Variants in CACNA1E observed in about 807,000 individuals in gnomAD.
The protein encoded by CACNA1E is voltage-dependent R-type calcium channel subunit alpha-1E.
A neutral mutation model predicts 259.2 loss-of-function variants in CACNA1E; 40 were observed. The observed-to-expected ratio is 0.15, with a 90% CI of 0.12 to 0.20. The LOEUF is 0.20. Ranked by LOEUF, CACNA1E falls within the 10% of genes least tolerant of loss-of-function variation. The probability of loss-of-function intolerance (pLI) is 1.00; values close to 1 mark genes in which losing one functional copy is unlikely to be tolerated. For synonymous variants in CACNA1E, 1,104 were observed against 1,138.5 expected (o/e 0.97, Z 0.61); for missense variants, 1,874 against 3,040.1 (o/e 0.62, Z 9.02).
intron 25 of CACNA1E, among the ~76,000 whole-genome samples, chr1:181,742,661 A>G (rs1656686955): frequency 6.6e-6 from 1 of 152,176 alleles, no homozygotes; most frequent in Admixed American, 6.5e-5. Context: ...AACTCCCAGG[A>G]GCAAAGCCCC....
At chr1:181,753,273 T>C (rs568306281) in intron 27 of CACNA1E, among the ~76,000 whole-genome samples, 1 of 152,300 alleles carries the variant, frequency 6.6e-6, no homozygotes, top group African/African-American at 2.4e-5. Context: ...GGGTACTTCT[T>C]AAAATCCAGA....
At chr1:181,794,062 A>G (rs1008240892) in intron 45 of CACNA1E, among the ~76,000 whole-genome samples, 1 of 152,182 alleles carries the variant, frequency 6.6e-6, no homozygotes, top group Non-Finnish European at 1.5e-5. Context: ...CATGCAAGAA[A>G]TATTTTCCAG....
intron 1 of CACNA1E, among the ~76,000 whole-genome samples, chr1:181,351,447 A>C (rs1477940375): frequency 6.6e-6 from 1 of 152,164 alleles, no homozygotes; most frequent in Admixed American, 6.5e-5. Context: ...CGGTATGGAG[A>C]TAAAGTGATT....
chr1:181,328,598 C>T (rs1477541994), intron 1 of CACNA1E, among the ~76,000 whole-genome samples: 3 of 152,074 alleles, frequency 2.0e-5, no homozygotes, highest in Admixed American at 6.5e-5. Context: ...TTTGTGTTAG[C>T]CTGGGTCCTC....
intron 2 of CACNA1E, among the ~76,000 whole-genome samples, chr1:181,477,510 G>A (rs1430454651): frequency 6.6e-6 from 1 of 152,228 alleles, no homozygotes; most frequent in Non-Finnish European, 1.5e-5. Context: ...ATGAATTCAT[G>A]AATAAGTAAA....
rs1031015535 is a variant in CACNA1E at position 181,737,870 on chromosome 1, G to T, written c.3552+216G>T. On this transcript the variant is annotated intron_variant, in intron 23 of 47. Transcript: ENST00000367573. ...CAAGGCTCTGCCCCAAACCGGCCAG[G>T]GCTCTGCAGGGCTCTGCAGCCACCC... Among the ~76,000 whole-genome samples, 3 of 149,900 alleles carry T rather than the reference G, an allele frequency of 2.0e-5. No homozygotes were observed. The East Asian group carries it at 7.2e-4, about 36-fold the overall frequency.
At chr1:181,711,689 A>G (rs1340397545) in intron 8 of CACNA1E, among the ~76,000 whole-genome samples, 1 of 152,180 alleles carries the variant, frequency 6.6e-6, no homozygotes, top group African/African-American at 2.4e-5. Flanking sequence ...GAAGAAATGA[A>G]GGAGTGAGCC....
intron 6 of CACNA1E, among the ~76,000 whole-genome samples, chr1:181,584,009 C>T (rs2102993649): frequency 6.6e-6 from 1 of 152,266 alleles, no homozygotes; most frequent in Non-Finnish European, 1.5e-5. Flanking sequence ...ACAAATGTTA[C>T]TGTGGCTCGC....
intron 7 of CACNA1E, among the ~76,000 whole-genome samples, chr1:181,691,799 C>T (rs1166868238): frequency 6.6e-6 from 1 of 152,068 alleles, no homozygotes; most frequent in Non-Finnish European, 1.5e-5. Flanking sequence ...ACTGAACATA[C>T]TACTGGAAGT....
chr1:181,528,817 G>A (rs1269699919), intron 3 of CACNA1E, among the ~76,000 whole-genome samples: 1 of 152,194 alleles, frequency 6.6e-6, no homozygotes, highest in Non-Finnish European at 1.5e-5. Context: ...CATTCAAAAG[G>A]TGAGTTGGGT....
intron 1 of CACNA1E, among the ~76,000 whole-genome samples, chr1:181,360,977 A>C (rs1219503167): frequency 6.6e-6 from 1 of 152,084 alleles, no homozygotes; most frequent in African/African-American, 2.4e-5. Flanking sequence ...TGACTCTAGT[A>C]CCTTTGAAGG....
At chr1:181,610,755 T>G (rs530586586) in intron 6 of CACNA1E, among the ~76,000 whole-genome samples, 1 of 152,308 alleles carries the variant, frequency 6.6e-6, no homozygotes, top group South Asian at 2.1e-4. Flanking sequence ...GTGGTTCCAA[T>G]GAGGACTTTT....
In CACNA1E at chr1:181,800,341, T is replaced by C. The variant is rs1037331161; in HGVS notation, c.*1507T>C. The C allele has an allele frequency of 3.0e-4, 46 of 152,586 alleles. No homozygotes were observed. Among genetic ancestry groups the C allele is most frequent in the African/African-American group, 1.1e-3 (44 of 41,502 alleles). 9.5% of individuals were successfully genotyped at this position (152,586 alleles called of 1,614,324 possible). On this transcript the variant is annotated 3_prime_UTR_variant, in exon 48 of 48. Coordinates refer to ENST00000367573, the MANE Select transcript of CACNA1E (RefSeq NM_001205293.3). ...GATGGGGCTTCACCCCTCCCCAGAG[T>C]AAGAGCTGGGGCTGACAGTCCCACC...
chr1:181,624,837 C>T (rs2101908532), intron 6 of CACNA1E, among the ~76,000 whole-genome samples: 1 of 152,234 alleles, frequency 6.6e-6, no homozygotes, highest in African/African-American at 2.4e-5. Context: ...TTTACTTTGC[C>T]TAGATCCATT....
chr1:181,336,001 A>G (rs1311082369), intron 1 of CACNA1E, among the ~76,000 whole-genome samples: 1 of 152,180 alleles, frequency 6.6e-6, no homozygotes, highest in East Asian at 1.9e-4. Flanking sequence ...CGACCTCACT[A>G]CTTTTCAGGA....
chr1:181,610,170 T>C (rs988801478), intron 6 of CACNA1E, among the ~76,000 whole-genome samples: 4 of 152,200 alleles, frequency 2.6e-5, no homozygotes, highest in Non-Finnish European at 5.9e-5. Flanking sequence ...GATAAAAGCC[T>C]TTTGCCTCCA....
intron 3 of CACNA1E, among the ~76,000 whole-genome samples, chr1:181,555,759 T>C (rs1023223947): frequency 6.6e-6 from 1 of 152,232 alleles, no homozygotes; most frequent in Non-Finnish European, 1.5e-5. Context: ...TGTATTTATG[T>C]AAATATAATG....
intron 2 of CACNA1E, among the ~76,000 whole-genome samples, chr1:181,452,245 A>G (rs668260): frequency 0.58 from 88,034 of 152,108 alleles, 27,129 homozygotes; most frequent in African/African-American, 0.8. Flanking sequence ...TAGTAAAAGC[A>G]AATGCCTTTT....
rs1448039663 is a variant in CACNA1E at position 181,485,782 on chromosome 1, T to G, written c.266+1772T>G. Among the ~76,000 whole-genome samples the G allele has an allele frequency of 6.6e-6, 1 of 152,208 alleles. No individual in the cohort carries two copies. ...TTCTACGGTTCTCTAAATCTTCCCA[T>G]CCACCAGGTGCTGCCTTGCTGTGCC... On this transcript the variant is annotated intron_variant, in intron 1 of 47. Coordinates refer to ENST00000367573, the MANE Select transcript of CACNA1E (RefSeq NM_001205293.3). The surrounding 1 kb of genome is among the most constrained non-coding windows in gnomAD (Gnocchi z 4.2).
Sources: gnomAD v4.1 joint callset for allele counts (sites outside exome capture counted in the v4.1 genomes callset) on GRCh38, gnomAD v4.1.1 for gene constraint, Gnocchi (gnomAD v3.1) non-coding constraint, MANE v1.5 for transcripts, NCBI Gene and HGNC (gene_info 2026-07-23, HGNC 2026-07-21) for gene names.